IFT74: variants seen among roughly 807,000 people sequenced by gnomAD.
The protein encoded by IFT74 is intraflagellar transport protein 74 homolog.
In IFT74, 92 loss-of-function variants were observed where a neutral mutation model predicts 96.7. The ratio of observed to expected loss-of-function variants is 0.95; its 90% CI spans 0.80 to 1.13. IFT74 has a LOEUF of 1.13. Among genes scored for constraint, IFT74 ranks in the 50% most tolerant of loss-of-function variants. The pLI is 0.00. For synonymous variants in IFT74, 223 were observed against 213.2 expected (o/e 1.05, Z -0.40); for missense variants, 811 against 698.2 (o/e 1.16, Z -1.82).
chr9:26,955,307 C>T (rs1826044392), upstream of IFT74, among the ~76,000 whole-genome samples: 2 of 152,196 alleles, frequency 1.3e-5, no homozygotes, highest in Admixed American at 6.5e-5. Flanking sequence ...GGTGATAGAA[C>T]ATTGCAGTCT....
intron 8 of IFT74, chr9:26,997,846 A>G (rs1587317292): frequency 6.2e-7 from 1 of 1,614,208 alleles, no homozygotes; most frequent in East Asian, 2.2e-5. Context: ...GTACATCCAA[A>G]TAGCTAATCA....
intron 8 of IFT74, among the ~76,000 whole-genome samples, chr9:27,006,079 G>T (rs1046784626): frequency 2.0e-5 from 3 of 151,988 alleles, no homozygotes; most frequent in Non-Finnish European, 2.9e-5. Flanking sequence ...CCTGACCTCA[G>T]GTGATACCCC....
rs1413987119 is a variant in IFT74, at chr9:27,061,611, GT to G, written c.1684+962del. 1.3e-4 allele frequency among the ~76,000 whole-genome samples: 19 copies of G among 149,674 alleles called. No individual in the cohort carries two copies. In the Admixed American group the frequency reaches 1.3e-3, roughly 10 times the overall value. On this transcript the variant is annotated intron_variant, in intron 19 of 19. Coordinates refer to ENST00000380062, the MANE Select transcript of IFT74 (RefSeq NM_025103.4). ...TCATCTCTAAAATCTCTAAAATATA[GT>G]TAATATTACCTTCTCATAGTGTTGG...
intron 16 of IFT74, among the ~76,000 whole-genome samples, chr9:27,053,534 A>G (rs1383544620): frequency 6.6e-6 from 1 of 152,074 alleles, no homozygotes; most frequent in East Asian, 1.9e-4. Context: ...TCCTTCTGAG[A>G]TTTTGCTCCT....
chr9:27,038,574 G>A (rs1394710546), intron 13 of IFT74, among the ~76,000 whole-genome samples: 1 of 152,124 alleles, frequency 6.6e-6, no homozygotes, highest in Non-Finnish European at 1.5e-5. Context: ...CACCGCGCCC[G>A]GCCCAGGAAT....
chr9:27,022,747 A>G (rs989517005), intron 12 of IFT74, among the ~76,000 whole-genome samples: 2 of 151,744 alleles, frequency 1.3e-5, no homozygotes, highest in African/African-American at 4.8e-5. Context: ...GGTTCAAGCA[A>G]TTCTTCTGCC....
intron 6 of IFT74, 30 bp from the exon 7 acceptor site, chr9:26,988,639 G>GTGTT (rs770349107): frequency 4.6e-6 from 7 of 1,515,356 alleles, no homozygotes; most frequent in African/African-American, 1.4e-5. Flanking sequence ...TAACAAAATG[G>GTGTT]TGTTTGTTTG....
rs114320296 is a variant in IFT74 at position 26,967,404 on chromosome 9, G to A, written c.120+5317G>A. On this transcript the variant is annotated intron_variant, in intron 2 of 19. Transcript: ENST00000380062. Reference sequence around the variant, plus strand: ...ATTTTTTTCATGTTGTTCCCTGTTAGCATATAGAAATGCTATTGATTTTTG... The same window carrying A: ...ATTTTTTTCATGTTGTTCCCTGTTAACATATAGAAATGCTATTGATTTTTG... Among the ~76,000 whole-genome samples the A allele has an allele frequency of 6.5e-3, 990 of 151,994 alleles. 13 individuals carry two copies. Among genetic ancestry groups the A allele is most frequent in the African/African-American group, 0.023 (935 of 41,458 alleles).
intron 10 of IFT74, among the ~76,000 whole-genome samples, chr9:27,014,614 A>G (rs1397321542): frequency 6.6e-6 from 1 of 152,096 alleles, no homozygotes; most frequent in African/African-American, 2.4e-5. Context: ...CTTTTTAAAA[A>G]AAAAAATTTT....
chr9:27,003,585 C>T (rs1469030124), intron 8 of IFT74, among the ~76,000 whole-genome samples: 2 of 152,078 alleles, frequency 1.3e-5, no homozygotes, highest in Admixed American at 6.5e-5. Context: ...TAAAGTCTCT[C>T]GCCTCGTTAG....
At chr9:26,966,444 C>T (rs1448144514) in intron 2 of IFT74, among the ~76,000 whole-genome samples, 1 of 152,158 alleles carries the variant, frequency 6.6e-6, no homozygotes, top group East Asian at 1.9e-4. Flanking sequence ...AGCACCTTTT[C>T]GTATACCTGT....
At chr9:27,036,066 G>A (rs1044447419) in intron 13 of IFT74, among the ~76,000 whole-genome samples, 4 of 152,168 alleles carry the variant, frequency 2.6e-5, no homozygotes. Flanking sequence ...AATAAAGTAA[G>A]CTAGAGAAAA....
intron 12 of IFT74, among the ~76,000 whole-genome samples, chr9:27,021,934 T>G (rs920586359): frequency 3.9e-5 from 6 of 152,220 alleles, no homozygotes. Flanking sequence ...GTTTTTCTGA[T>G]GTTATCTTCT....
intron 4 of IFT74, among the ~76,000 whole-genome samples, chr9:26,981,259 A>G (rs185662738): frequency 1.7e-4 from 26 of 152,234 alleles, no homozygotes; most frequent in African/African-American, 5.5e-4. Context: ...TTTTATTTAT[A>G]TTTTAGAGAC....
At chr9:26,955,983 T>C (rs1446988348), upstream of IFT74, 1 of 152,200 alleles carries the variant, frequency 6.6e-6, no homozygotes, top group East Asian at 1.9e-4. Context: ...ATCGCATCCA[T>C]ACTTCATGAT....
In IFT74 at chr9:27,063,404, C is replaced by T. The variant is rs1587438746; in HGVS notation, c.*668C>T. Among the ~76,000 whole-genome samples the T allele has an allele frequency of 1.3e-5, 2 of 152,094 alleles. No homozygotes were observed. The highest frequency in any genetic ancestry group is 4.8e-5 in the African/African-American group (2 of 41,440). ...GTTTTGGACTATGGCTACTGCTGTTCATTGCCACCCTGCAGTATGCATTTA... is the reference window on the plus strand; with the variant it reads ...GTTTTGGACTATGGCTACTGCTGTTTATTGCCACCCTGCAGTATGCATTTA... On this transcript the variant is annotated 3_prime_UTR_variant, in exon 20 of 20. Transcript: ENST00000380062.
chr9:27,044,669 AAG>A, intron 13 of IFT74, 71 bp from the exon 14 acceptor site: 1 of 842,044 alleles, frequency 1.2e-6, no homozygotes, highest in East Asian at 2.5e-5. Flanking sequence ...GAGAGAACCA[AAG>A]AGAGATTTTT....
intron 12 of IFT74, among the ~76,000 whole-genome samples, chr9:27,019,275 T>G (rs1829488656): frequency 6.6e-6 from 1 of 152,006 alleles, no homozygotes; most frequent in South Asian, 2.1e-4. Context: ...ATTTTAGAAC[T>G]ATTCAGTCAG....
chr9:26,985,782 T>TA (rs572545999), intron 6 of IFT74, among the ~76,000 whole-genome samples: 64 of 152,320 alleles, frequency 4.2e-4, no homozygotes, highest in Non-Finnish European at 2.6e-4. Context: ...CTATCAGTGA[T>TA]CATTGCTTTA....
Sources: gnomAD v4.1 joint callset for allele counts (sites outside exome capture counted in the v4.1 genomes callset) on GRCh38, gnomAD v4.1.1 for gene constraint, MANE v1.5 for transcripts, NCBI Gene and HGNC (gene_info 2026-07-23, HGNC 2026-07-21) for gene names.